The following LRRC7 variants were observed in gnomAD, a reference collection of about 807,000 sequenced individuals.
The protein encoded by LRRC7 is leucine rich repeat containing 7.
A neutral mutation model predicts 175.7 loss-of-function variants in LRRC7; 23 were observed. That is an observed-to-expected ratio of 0.13 (90% confidence interval 0.09 to 0.19). The LOEUF (loss-of-function observed/expected upper bound fraction) is 0.19, where lower values mean the gene tolerates loss of function less well. LRRC7 is among the 10% of genes least tolerant of loss of function. LRRC7 has a pLI of 1.00. For synonymous variants in LRRC7, 685 were observed against 680.9 expected (o/e 1.01, Z -0.09); for missense variants, 1,354 against 1,904.7 (o/e 0.71, Z 5.38).
chr1:69,626,351 C>G (rs539530716), intron 1 of LRRC7, among the ~76,000 whole-genome samples: 1 of 147,504 alleles, frequency 6.8e-6, no homozygotes. Flanking sequence ...TCTTTACTGC[C>G]TTGTTAACTC....
chr1:69,719,219 C>CTAAT (rs1468841587), intron 2 of LRRC7, among the ~76,000 whole-genome samples: 1 of 151,682 alleles, frequency 6.6e-6, no homozygotes, highest in Non-Finnish European at 1.5e-5. Flanking sequence ...TAATTTCCCA[C>CTAAT]ATTAGAGTGA....
intron 4 of LRRC7, among the ~76,000 whole-genome samples, chr1:69,798,491 A>C (rs1005617433): frequency 3.3e-5 from 5 of 152,162 alleles, no homozygotes; most frequent in African/African-American, 1.2e-4. Flanking sequence ...ATATTGTATT[A>C]AAAATGCTTG....
At chr1:69,911,811 C>G (rs753688814) in intron 7 of LRRC7, among the ~76,000 whole-genome samples, 1 of 151,996 alleles carries the variant, frequency 6.6e-6, no homozygotes, top group African/African-American at 2.4e-5. Context: ...AATTCTCTGA[C>G]AGCTTAGTCA....
intron 7 of LRRC7, among the ~76,000 whole-genome samples, chr1:69,857,533 C>CGGTGAAACCCCGTCT (rs1557818033): frequency 6.6e-6 from 1 of 151,234 alleles, no homozygotes; most frequent in African/African-American, 2.5e-5. Flanking sequence ...GAATAAAATA[C>CGGTGAAACCCCGTCT]CTAGGAATCC....
chr1:69,991,697 A>G (rs1654456387), intron 10 of LRRC7, among the ~76,000 whole-genome samples: 1 of 152,206 alleles, frequency 6.6e-6, no homozygotes, highest in Admixed American at 6.6e-5. Context: ...TAAAAGAATA[A>G]AAGATAAGAA....
chr1:70,109,986 A>G (rs1465972549), intron 26 of LRRC7, among the ~76,000 whole-genome samples: 6 of 152,244 alleles, frequency 3.9e-5, no homozygotes, highest in Admixed American at 2.6e-4. Context: ...CCTCCATGAC[A>G]GAAGCAAAAT....
chr1:69,806,532 C>T (rs1471311474), intron 4 of LRRC7, among the ~76,000 whole-genome samples: 1 of 151,864 alleles, frequency 6.6e-6, no homozygotes, highest in African/African-American at 2.4e-5. Flanking sequence ...AGAGTCTTGC[C>T]TATTTTTTCT....
At chr1:69,909,030 T>A (rs1202390461) in intron 7 of LRRC7, among the ~76,000 whole-genome samples, 3 of 151,800 alleles carry the variant, frequency 2.0e-5, no homozygotes, top group African/African-American at 4.8e-5. Flanking sequence ...TGTAATGGCC[T>A]TCTTTGTCTC....
At chr1:70,049,177 A>G (rs1250272631) in intron 22 of LRRC7, among the ~76,000 whole-genome samples, 3 of 152,122 alleles carry the variant, frequency 2.0e-5, no homozygotes, top group African/African-American at 7.2e-5. Flanking sequence ...AGAATTTTGC[A>G]TGGAAGAAAT....
chr1:69,587,027 T>A (rs1236194902), intron 1 of LRRC7, among the ~76,000 whole-genome samples: 4 of 152,184 alleles, frequency 2.6e-5, no homozygotes, highest in Non-Finnish European at 4.4e-5. Context: ...CCTGAAGAAA[T>A]ATGTTGTACA....
intron 1 of LRRC7, among the ~76,000 whole-genome samples, chr1:69,661,652 AAC>A (rs1193543319): frequency 6.6e-6 from 1 of 152,190 alleles, no homozygotes; most frequent in Non-Finnish European, 1.5e-5. Flanking sequence ...TTATGATCAT[AAC>A]TACAGCTCAA....
At chr1:69,758,888 A>AT (rs1408265226) in intron 2 of LRRC7, among the ~76,000 whole-genome samples, 1 of 152,086 alleles carries the variant, frequency 6.6e-6, no homozygotes, top group African/African-American at 2.4e-5. Flanking sequence ...TGTAAGCAAT[A>AT]AATTTGTGTT....
Position 69,723,423 on chromosome 1 carries a change from G to A in LRRC7, c.101-36768G>A, listed in dbSNP as rs534036522. On this transcript the variant is annotated intron_variant, in intron 2 of 26. Coordinates refer to ENST00000651989, the MANE Select transcript of LRRC7 (RefSeq NM_001370785.2). ...TCTCAAAATACCAAAAATGGGAAAG[G>A]CATACAGCTGATTTTTTTATCATTC... Among the ~76,000 whole-genome samples, 4 of 152,188 alleles carry A rather than the reference G, an allele frequency of 2.6e-5. No individual in the cohort carries two copies. The South Asian group carries it at 6.2e-4, about 24-fold the overall frequency.
rs1323493441 is a variant in LRRC7 at position 70,122,604 on chromosome 1, G to A, written c.*717G>A. On this transcript the variant is annotated 3_prime_UTR_variant, in exon 27 of 27. Coordinates refer to ENST00000651989, the MANE Select transcript of LRRC7 (RefSeq NM_001370785.2). ...TCTGGGACCCAAATAAAAATAGGATGAACTAATTTGTTCAATGCCTTTAGC... is the reference window on the plus strand; with the variant it reads ...TCTGGGACCCAAATAAAAATAGGATAAACTAATTTGTTCAATGCCTTTAGC... 6.6e-6 allele frequency: 1 copy of A among 152,036 alleles called. No homozygotes were observed. Among genetic ancestry groups the A allele is most frequent in the Non-Finnish European group, 1.5e-5 (1 of 67,922 alleles). 9.4% of individuals were successfully genotyped at this position (152,036 alleles called of 1,614,324 possible).
chr1:69,603,821 A>T (rs1485781881), intron 1 of LRRC7, among the ~76,000 whole-genome samples: 1 of 152,062 alleles, frequency 6.6e-6, no homozygotes, highest in Non-Finnish European at 1.5e-5. Flanking sequence ...AAACACCAGA[A>T]TGTAGATGAC....
chr1:69,879,232 AAAAAG>A (rs747440314), intron 7 of LRRC7, among the ~76,000 whole-genome samples: 3,248 of 147,972 alleles, frequency 0.022, 54 homozygotes, highest in Non-Finnish European at 0.036. Context: ...AAAAAAAAAA[AAAAAG>A]ACTGCGCACT....
intron 7 of LRRC7, among the ~76,000 whole-genome samples, chr1:69,902,583 A>C (rs560912221): frequency 1.4e-4 from 21 of 152,270 alleles, no homozygotes; most frequent in Admixed American, 1.1e-3. Context: ...CAAAACAAAA[A>C]AAAAAGCTTC....
rs527349933 is a variant in LRRC7 at position 70,057,617 on chromosome 1, C to T, written c.4230+4472C>T. On this transcript the variant is annotated intron_variant, in intron 23 of 26. Coordinates refer to ENST00000651989, the MANE Select transcript of LRRC7 (RefSeq NM_001370785.2). ...AGATTTTTTTTTTTTAATCTTGTCT[C>T]TCTAACTAAGCCATCAGAAACCACA... Among the ~76,000 whole-genome samples the T allele has an allele frequency of 3.9e-3, 592 of 151,698 alleles. 4 individuals carry two copies. The highest frequency in any genetic ancestry group is 0.014 in the African/African-American group (559 of 41,378).
chr1:69,585,996 T>C (rs1646389324), intron 1 of LRRC7, among the ~76,000 whole-genome samples: 1 of 152,188 alleles, frequency 6.6e-6, no homozygotes, highest in Admixed American at 6.5e-5. Flanking sequence ...ATGAAGAGAC[T>C]ATAAATTTCT....
Sources: allele counts gnomAD v4.1 joint callset (sites outside exome capture counted in the v4.1 genomes callset), GRCh38; gene constraint gnomAD v4.1.1; transcripts MANE v1.5; gene names NCBI Gene and HGNC (gene_info 2026-07-23, HGNC 2026-07-21).